The following ANO1 variants were observed in gnomAD, a reference collection of about 807,000 sequenced individuals.
ANO1 encodes anoctamin-1.
Under a neutral mutation model 124.0 loss-of-function variants are expected in ANO1, and 59 were observed. That is an observed-to-expected ratio of 0.48 (90% CI 0.39 to 0.59). The LOEUF is 0.59. Among genes scored for constraint, ANO1 ranks in the 20% least tolerant of loss-of-function variants. The probability of loss-of-function intolerance (pLI) is 0.00; values close to 1 mark genes in which losing one functional copy is unlikely to be tolerated. For synonymous variants in ANO1, 529 were observed against 532.0 expected (o/e 0.99, Z 0.08); for missense variants, 1,059 against 1,328.0 (o/e 0.80, Z 3.15).
intron 1 of ANO1, among the ~76,000 whole-genome samples, chr11:69,986,566 T>C (rs1856046538): frequency 6.6e-6 from 1 of 152,194 alleles, no homozygotes; most frequent in Non-Finnish European, 1.5e-5. Flanking sequence ...TTACAGGCGC[T>C]ATTAATACAC....
intron 1 of ANO1, among the ~76,000 whole-genome samples, chr11:70,001,860 T>C (rs886694816): frequency 1.3e-5 from 2 of 152,110 alleles, no homozygotes; most frequent in East Asian, 3.9e-4. Context: ...AGTGCAGTGG[T>C]GCAATCTCAG....
chr11:70,135,201 C>A (rs1420224915), intron 11 of ANO1, among the ~76,000 whole-genome samples: 1 of 152,130 alleles, frequency 6.6e-6, no homozygotes, highest in Non-Finnish European at 1.5e-5. Flanking sequence ...TCTGTTTCCT[C>A]TTTCCCTGCT....
chr11:70,147,819 T>G (rs2047440651), intron 11 of ANO1, among the ~76,000 whole-genome samples: 1 of 152,172 alleles, frequency 6.6e-6, no homozygotes, highest in South Asian at 2.1e-4. Flanking sequence ...CCTACTGTCC[T>G]GCCATCCTGA....
chr11:70,118,953 G>T lies in ANO1; in HGVS notation c.897+2454G>T, dbSNP rs536088835. On this transcript the variant is annotated intron_variant, in intron 8 of 25. Coordinates refer to ENST00000355303, the MANE Select transcript of ANO1 (RefSeq NM_018043.7). ...ATGATGGATGGATGGGTGATGGGTG[G>T]GTAGGTGGGTGAATGGGTAGATGGA... Among the ~76,000 whole-genome samples, 36 of 149,628 alleles carry T rather than the reference G, an allele frequency of 2.4e-4. 1 individual carries two copies. The highest frequency in any genetic ancestry group is 7.1e-3 in the Middle Eastern group (2 of 282).
At chr11:70,140,717 G>A (rs1434758915) in intron 11 of ANO1, among the ~76,000 whole-genome samples, 1 of 152,054 alleles carries the variant, frequency 6.6e-6, no homozygotes, top group Non-Finnish European at 1.5e-5. Flanking sequence ...TTGTGATAAA[G>A]GATTAATTGT....
At chr11:70,169,989 T>C (rs1565273573) in intron 21 of ANO1, 1 of 364,322 alleles carries the variant, frequency 2.7e-6, no homozygotes, top group Admixed American at 3.6e-5. Context: ...CCTAGCCCCA[T>C]GCTGGATGCA....
At chr11:69,998,667 G>A (rs1231622295) in intron 1 of ANO1, among the ~76,000 whole-genome samples, 2 of 152,146 alleles carry the variant, frequency 1.3e-5, no homozygotes, top group Non-Finnish European at 2.9e-5. Context: ...AGAAATACCT[G>A]GCCAGGCGCA....
intron 1 of ANO1, among the ~76,000 whole-genome samples, chr11:70,004,769 T>A (rs1856453035): frequency 6.6e-6 from 1 of 152,138 alleles, no homozygotes; most frequent in African/African-American, 2.4e-5. Flanking sequence ...ACAAGTGAGG[T>A]TGATTTACAC....
chr11:70,116,779 C>T (rs529353250), intron 8 of ANO1, among the ~76,000 whole-genome samples: 16 of 152,338 alleles, frequency 1.1e-4, no homozygotes, highest in African/African-American at 3.6e-4. Context: ...CCAGAGCCCA[C>T]TCCTTGCACG....
At chr11:70,133,132 G>T (rs76315998) in intron 11 of ANO1, among the ~76,000 whole-genome samples, 1 of 152,118 alleles carries the variant, frequency 6.6e-6, no homozygotes, top group South Asian at 2.1e-4. Flanking sequence ...AGCTGTACCC[G>T]CTTGGCACTG....
intron 1 of ANO1, chr11:70,085,474 T>C (rs1286462737): frequency 1.3e-6 from 2 of 1,535,958 alleles, no homozygotes; most frequent in African/African-American, 1.4e-5. Context: ...TGTGTTACTG[T>C]AGAGAGAAGT....
At chr11:70,049,096 G>A (rs568105612) in intron 1 of ANO1, among the ~76,000 whole-genome samples, 3 of 152,140 alleles carry the variant, frequency 2.0e-5, no homozygotes, top group African/African-American at 4.8e-5. Flanking sequence ...AGAGGAGCTG[G>A]CTGTGACATC....
chr11:70,056,242 C>G (rs370986921), intron 1 of ANO1: 2 of 152,042 alleles, frequency 1.3e-5, no homozygotes, highest in South Asian at 4.1e-4. Flanking sequence ...CATCCAAAAA[C>G]ATATTTATTT....
At chr11:70,164,023 T>C (rs995891989) in intron 19 of ANO1, among the ~76,000 whole-genome samples, 1 of 151,824 alleles carries the variant, frequency 6.6e-6, no homozygotes, top group African/African-American at 2.4e-5. Context: ...AATGCTTGTC[T>C]CTTTACCCTC....
chr11:70,152,589 C>A, intron 13 of ANO1, 128 bp downstream of exon 13: 1 of 1,107,062 alleles, frequency 9.0e-7, no homozygotes, highest in Non-Finnish European at 1.3e-6. Context: ...GGGGTCTCTG[C>A]TTTCTCCCCA....
At chr11:70,172,131 A>G (rs2048498161) in intron 22 of ANO1, among the ~76,000 whole-genome samples, 2 of 149,118 alleles carry the variant, frequency 1.3e-5, no homozygotes, top group Non-Finnish European at 3.0e-5. Context: ...AAAAAAAAAA[A>G]AAAAAGAAAA....
intron 1 of ANO1, among the ~76,000 whole-genome samples, chr11:70,039,844 A>G (rs188932065): frequency 2.3e-4 from 35 of 152,306 alleles, no homozygotes; most frequent in Admixed American, 8.5e-4. Flanking sequence ...CCAGCTTTTC[A>G]GCTCTTTCCT....
Position 70,155,934 on chromosome 11 carries a change from G to A in ANO1, c.1449G>A (p.Glu483=), listed in dbSNP as rs1199104665. 7 of 1,543,206 alleles carry A rather than the reference G, an allele frequency of 4.5e-6. No homozygotes were observed. The highest frequency in any genetic ancestry group is 2.0e-5 in the Admixed American group (1 of 48,856). The change falls in exon 15 of 26, where the codon GAG becomes GAA. Residue 483 remains glutamate (E), a synonymous_variant. Transcript: ENST00000355303. ...AGAAGCGCCGGCATATTCCAGAGGA[G>A]TCAACAAACAAATGGAAGCAGAGGG... ...NKEKRRHIPE[E]STNKWKQRVK...
At chr11:70,080,614 A>G (rs1321959306) in intron 1 of ANO1, among the ~76,000 whole-genome samples, 3 of 152,190 alleles carry the variant, frequency 2.0e-5, no homozygotes. Flanking sequence ...TCCAGGACCC[A>G]TTGCTTATCC....
Sources: allele counts gnomAD v4.1 joint callset (sites outside exome capture counted in the v4.1 genomes callset), GRCh38; gene constraint gnomAD v4.1.1; transcripts MANE v1.5; gene names NCBI Gene and HGNC (gene_info 2026-07-23, HGNC 2026-07-21).